Variants in CNTN6 observed in about 807,000 individuals in gnomAD.
CNTN6 encodes contactin 6, also known as contactin-6.
A neutral mutation model predicts 122.8 loss-of-function variants in CNTN6; 137 were observed. The ratio of observed to expected loss-of-function variants is 1.12; its 90% CI spans 0.97 to 1.29. The LOEUF is 1.29. Ranked by LOEUF, CNTN6 falls within the 50% of genes most tolerant of loss-of-function variation. The pLI is 0.00. For synonymous variants in CNTN6, 570 were observed against 426.0 expected (o/e 1.34, Z -4.16); for missense variants, 1,634 against 1,223.4 (o/e 1.34, Z -5.01).
intron 3 of CNTN6, among the ~76,000 whole-genome samples, chr3:1,224,457 G>A (rs1397141323): frequency 6.6e-6 from 1 of 151,884 alleles, no homozygotes; most frequent in African/African-American, 2.4e-5. Flanking sequence ...AGATTTTTGA[G>A]GTAATGAATA....
At chr3:1,393,733 T>C (rs1694587555) in intron 20 of CNTN6, among the ~76,000 whole-genome samples, 1 of 152,020 alleles carries the variant, frequency 6.6e-6, no homozygotes, top group Non-Finnish European at 1.5e-5. Flanking sequence ...CAACTTTTAT[T>C]ATACATAATC....
At chr3:1,228,294 C>G (rs143013800) in intron 4 of CNTN6, among the ~76,000 whole-genome samples, 1 of 151,902 alleles carries the variant, frequency 6.6e-6, no homozygotes, top group African/African-American at 2.4e-5. Context: ...ATATAGCATT[C>G]TTTTTCTTTT....
chr3:1,276,078 A>T (rs1692298736), intron 4 of CNTN6, among the ~76,000 whole-genome samples: 1 of 152,238 alleles, frequency 6.6e-6, no homozygotes, highest in South Asian at 2.1e-4. Flanking sequence ...AAACTAAAAA[A>T]ACTACAATGT....
At position 1,372,948 on chromosome 3, in the gene CNTN6, T is replaced by G. The variant is rs1182235624; in HGVS notation, c.1779T>G (p.Ile593Met). 4 of 1,548,114 alleles carry G rather than the reference T, an allele frequency of 2.6e-6. No homozygotes were observed. The African/African-American group carries it at 4.1e-5, about 16-fold the overall frequency. Residue 593 changes from isoleucine (I) to methionine (M), a missense_variant, in exon 14 of 23, where the codon ATT (isoleucine) becomes ATG (methionine). Physicochemically the swap from Ile to Met is conservative, Grantham distance 10. Coordinates refer to ENST00000446702, the MANE Select transcript of CNTN6 (RefSeq NM_001289080.2). ...LESLSAVADI[I>M]VRGPPGPPED... ...GTTTATCTGCAGTAGCCGATATCATTGTTAGAGGTAAGCATAAATGGTGAA... is the reference window on the plus strand; with the variant it reads ...GTTTATCTGCAGTAGCCGATATCATGGTTAGAGGTAAGCATAAATGGTGAA...
At chr3:1,184,845 A>G (rs571093972) in intron 2 of CNTN6, among the ~76,000 whole-genome samples, 34 of 152,210 alleles carry the variant, frequency 2.2e-4, no homozygotes, top group African/African-American at 7.7e-4. Flanking sequence ...TTACTAGAAC[A>G]TTTTCCCTAC....
chr3:1,164,576 C>T (rs2093204931), intron 2 of CNTN6, among the ~76,000 whole-genome samples: 1 of 152,200 alleles, frequency 6.6e-6, no homozygotes. Flanking sequence ...CCTATGATAG[C>T]TGGTGAATAT....
chr3:1,381,262 A>T (rs1691836069), intron 17 of CNTN6, among the ~76,000 whole-genome samples: 1 of 152,240 alleles, frequency 6.6e-6, no homozygotes, highest in African/African-American at 2.4e-5. Context: ...GCCATTCAAA[A>T]TTAACTGGTT....
At chr3:1,228,383 T>G (rs1022120253) in intron 4 of CNTN6, among the ~76,000 whole-genome samples, 1 of 151,690 alleles carries the variant, frequency 6.6e-6, no homozygotes, top group Admixed American at 6.6e-5. Context: ...CTGGGGGAGG[T>G]GGGCGTTCTC....
intron 12 of CNTN6, among the ~76,000 whole-genome samples, chr3:1,355,491 C>T (rs1706399260): frequency 6.6e-6 from 1 of 151,594 alleles, no homozygotes; most frequent in African/African-American, 2.4e-5. Context: ...TGAAGCCTAG[C>T]ATAGGAAAAA....
chr3:1,173,510 A>G lies in CNTN6; in HGVS notation c.55+25447A>G, dbSNP rs572272239. ...GATAAGTTAACAGCTGCCAAATTTC[A>G]TACAACTAGTACATGACGAAGTTGG... is the stretch of plus-strand genomic sequence containing the variant. On this transcript the variant is annotated intron_variant, in intron 2 of 22. Transcript: ENST00000446702. Among the ~76,000 whole-genome samples, 13 of 152,336 alleles carry G rather than the reference A, an allele frequency of 8.5e-5. No homozygotes were observed. In the South Asian group the frequency reaches 2.5e-3, roughly 29 times the overall value.
At chr3:1,351,556 T>G (rs1284403605) in intron 11 of CNTN6, among the ~76,000 whole-genome samples, 6 of 143,018 alleles carry the variant, frequency 4.2e-5, no homozygotes, top group Admixed American at 7.1e-5. Context: ...TCTCAGGGTT[T>G]TTTTTTTTTT....
At chr3:1,300,507 GAGAAAGAA>G (rs369448560) in intron 7 of CNTN6, among the ~76,000 whole-genome samples, 1 of 134,298 alleles carries the variant, frequency 7.4e-6, no homozygotes, top group Non-Finnish European at 1.6e-5. Flanking sequence ...AGAAAAGAAA[GAGAAAGAA>G]AGAAAGAAAG....
intron 2 of CNTN6, among the ~76,000 whole-genome samples, chr3:1,192,288 T>A (rs1443760065): frequency 6.6e-6 from 1 of 152,176 alleles, no homozygotes; most frequent in Non-Finnish European, 1.5e-5. Context: ...TTAATTTCTC[T>A]ACATCTTTTT....
In CNTN6 at chr3:1,321,845, T is replaced by A; in HGVS notation, c.946+11T>A. On this transcript the variant is annotated intron_variant, in intron 8 of 22. Coordinates refer to ENST00000446702, the MANE Select transcript of CNTN6 (RefSeq NM_001289080.2). ...AACTCATTTTTTATGGTGAGCTAAT[T>A]GGATTTCAAATATATATAAAATATT... 6.3e-7 allele frequency: 1 copy of A among 1,590,040 alleles called. No individual in the cohort carries two copies. Among genetic ancestry groups the A allele is most frequent in the Non-Finnish European group, 8.6e-7 (1 of 1,168,712 alleles).
intron 2 of CNTN6, among the ~76,000 whole-genome samples, chr3:1,207,388 C>T (rs1289003213): frequency 6.6e-6 from 1 of 152,116 alleles, no homozygotes; most frequent in East Asian, 1.9e-4. Flanking sequence ...TGGTCCCAGC[C>T]ACCATTATTT....
At chr3:1,318,808 C>G (rs1334074699) in intron 7 of CNTN6, among the ~76,000 whole-genome samples, 1 of 151,648 alleles carries the variant, frequency 6.6e-6, no homozygotes, top group African/African-American at 2.4e-5. Flanking sequence ...TTTCAGTTCT[C>G]TCTTTGTGAA....
At chr3:1,399,570 G>A (rs921252541) in intron 20 of CNTN6, among the ~76,000 whole-genome samples, 4 of 152,062 alleles carry the variant, frequency 2.6e-5, no homozygotes, top group Non-Finnish European at 4.4e-5. Flanking sequence ...CTATGAGTCT[G>A]ACCACGGCAA....
chr3:1,117,592 A>C (rs1179721580), intron 1 of CNTN6, among the ~76,000 whole-genome samples: 3 of 152,148 alleles, frequency 2.0e-5, no homozygotes, highest in African/African-American at 4.8e-5. Context: ...TGAACCTACA[A>C]CCTGTTAGTA....
At chr3:1,113,339 G>A (rs923455147) in intron 1 of CNTN6, among the ~76,000 whole-genome samples, 1 of 152,102 alleles carries the variant, frequency 6.6e-6, no homozygotes, top group Non-Finnish European at 1.5e-5. Context: ...GTATTCTTCT[G>A]CCAAATAAAT....
Sources: gnomAD v4.1 joint callset for allele counts (sites outside exome capture counted in the v4.1 genomes callset) on GRCh38, gnomAD v4.1.1 for gene constraint, MANE v1.5 for transcripts, NCBI Gene and HGNC (gene_info 2026-07-23, HGNC 2026-07-21) for gene names.